Variants in ACSBG1 observed in about 807,000 individuals in gnomAD.
ACSBG1 encodes acyl-CoA synthetase bubblegum family member 1.
ACSBG1 carries 39 observed loss-of-function variants against 80.2 expected under a neutral mutation model. The ratio of observed to expected loss-of-function variants is 0.49; its 90% CI spans 0.38 to 0.64. The LOEUF (loss-of-function observed/expected upper bound fraction) is 0.64, where lower values mean the gene tolerates loss of function less well. Among genes scored for constraint, ACSBG1 ranks in the 30% least tolerant of loss-of-function variants. ACSBG1 has a pLI of 0.00. For missense variants in ACSBG1, 828 were observed against 966.4 expected (o/e 0.86, Z 1.90); for synonymous variants, 392 against 379.5 (o/e 1.03, Z -0.38).
chr15:78,199,455 G>T (rs1346120083), intron 2 of ACSBG1, among the ~76,000 whole-genome samples: 1 of 151,818 alleles, frequency 6.6e-6, no homozygotes, highest in Non-Finnish European at 1.5e-5. Context: ...AGCACTTTGG[G>T]AGGCCAAGGC....
At chr15:78,199,483 A>G (rs2075146331) in intron 2 of ACSBG1, among the ~76,000 whole-genome samples, 1 of 151,976 alleles carries the variant, frequency 6.6e-6, no homozygotes. Flanking sequence ...CTTGAGGCCA[A>G]AAGTTGCAGA....
chr15:78,179,687 GA>G lies in ACSBG1; in HGVS notation c.1346del (p.Phe449SerfsTer7). On this transcript the variant is annotated frameshift_variant, in exon 10 of 14. Coordinates refer to ENST00000258873, the MANE Select transcript of ACSBG1 (RefSeq NM_015162.5). LOFTEE classifies it high-confidence loss of function. ...CTGCCATCATGGGGGCCGCTCCATA[GA>G]AGTTCTTTTGACACTTGGCAAATCC... ...ALGFAKCQKN[F>X]YGAAPMMAET... 1 of 1,614,200 alleles carries G rather than the reference GA, an allele frequency of 6.2e-7. No individual in the cohort carries two copies. The highest frequency in any genetic ancestry group is 8.5e-7 in the Non-Finnish European group (1 of 1,180,040).
chr15:78,228,236 C>G (rs2075419365), intron 1 of ACSBG1, among the ~76,000 whole-genome samples: 1 of 152,154 alleles, frequency 6.6e-6, no homozygotes, highest in South Asian at 2.1e-4. Context: ...GAGGCCAGAG[C>G]TGGGATCCAG....
intron 1 of ACSBG1, among the ~76,000 whole-genome samples, chr15:78,224,458 T>G (rs7161826): frequency 3.9e-4 from 60 of 152,248 alleles, no homozygotes; most frequent in African/African-American, 5.5e-4. Context: ...GGTGGCTCAC[T>G]CCTGTAATCC....
chr15:78,207,917 T>TCCCCCACCCCCCCCCCCCCCCCCCCCCCA, intron 2 of ACSBG1, 85 bp downstream of exon 2: 2 of 876,066 alleles, frequency 2.3e-6, no homozygotes, highest in Non-Finnish European at 1.8e-6. Context: ...TGTGTGGTGG[T>TCCCCCACCCCCCCCCCCCCCCCCCCCCCA]CCCCCACACC....
At chr15:78,232,393 G>A (rs540665152) in intron 1 of ACSBG1, among the ~76,000 whole-genome samples, 2 of 152,292 alleles carry the variant, frequency 1.3e-5, no homozygotes, top group South Asian at 4.1e-4. Flanking sequence ...GTCCTTCTCT[G>A]CACAAGCCTA....
chr15:78,206,812 T>C (rs905518557), intron 2 of ACSBG1, among the ~76,000 whole-genome samples: 2 of 152,230 alleles, frequency 1.3e-5, no homozygotes, highest in African/African-American at 4.8e-5. Context: ...CTGGGGATTA[T>C]GTGTTTCTCC....
intron 5 of ACSBG1, among the ~76,000 whole-genome samples, chr15:78,191,073 C>T (rs1198497050): frequency 6.6e-6 from 1 of 152,144 alleles, no homozygotes; most frequent in African/African-American, 2.4e-5. Context: ...CACAAAAATA[C>T]ATAATGCAAA....
chr15:78,226,321 A>G (rs959774514), intron 1 of ACSBG1: 1 of 152,242 alleles, frequency 6.6e-6, no homozygotes, highest in Non-Finnish European at 1.5e-5. Flanking sequence ...ATGATTACAC[A>G]AGAATCCAAA....
intron 5 of ACSBG1, among the ~76,000 whole-genome samples, chr15:78,186,712 G>A (rs1358110856): frequency 4.6e-5 from 7 of 152,144 alleles, no homozygotes; most frequent in African/African-American, 1.4e-4. Flanking sequence ...ATGCCCACAA[G>A]AGAAAGCAGG....
chr15:78,211,275 G>A (rs1018688438), intron 1 of ACSBG1, among the ~76,000 whole-genome samples: 3 of 152,248 alleles, frequency 2.0e-5, no homozygotes, highest in South Asian at 2.1e-4. Flanking sequence ...TGATCATCAT[G>A]AGCACGCCGA....
intron 5 of ACSBG1, among the ~76,000 whole-genome samples, chr15:78,189,757 G>C (rs989040709): frequency 3.3e-5 from 5 of 151,858 alleles, no homozygotes; most frequent in South Asian, 2.1e-4. Flanking sequence ...CACCAGCATG[G>C]CACATGTATA....
chr15:78,194,127 TC>T, intron 3 of ACSBG1, 107 bp from the exon 4 acceptor site: 2 of 1,052,888 alleles, frequency 1.9e-6, no homozygotes, highest in Non-Finnish European at 2.9e-6. Flanking sequence ...GGCTCCACCC[TC>T]CCAGGGTCCC....
At chr15:78,198,544 C>T (rs1286621345) in intron 2 of ACSBG1, among the ~76,000 whole-genome samples, 7 of 151,920 alleles carry the variant, frequency 4.6e-5, no homozygotes, top group Middle Eastern at 3.4e-3. Context: ...GATGGCGTTT[C>T]GCCATGTTGG....
chr15:78,194,437 C>T, intron 3 of ACSBG1, 69 bp downstream of exon 3: 1 of 1,465,884 alleles, frequency 6.8e-7, no homozygotes, highest in Non-Finnish European at 9.4e-7. Context: ...GGAGAGGAGG[C>T]CTGTGAGGCC....
chr15:78,227,091 A>T (rs1313284697), intron 1 of ACSBG1, among the ~76,000 whole-genome samples: 1 of 150,948 alleles, frequency 6.6e-6, no homozygotes, highest in Non-Finnish European at 1.5e-5. Flanking sequence ...ATGGTGCCAC[A>T]CGCCTGTAGT....
chr15:78,194,145 C>T, intron 3 of ACSBG1, 125 bp from the exon 4 acceptor site: 1 of 896,078 alleles, frequency 1.1e-6, no homozygotes, highest in Non-Finnish European at 1.8e-6. Context: ...TCCCCTCAGT[C>T]AGAGAATCCC....
intron 1 of ACSBG1, among the ~76,000 whole-genome samples, chr15:78,215,784 A>AAGAAAGAAAGAG (rs1555434060): frequency 1.5e-5 from 2 of 136,288 alleles, no homozygotes; most frequent in East Asian, 2.3e-4. Flanking sequence ...GAAAGAAAGA[A>AAGAAAGAAAGAG]AGAGAAAGAA....
Position 78,180,802 on chromosome 15 carries a change from C to A in ACSBG1, c.1206G>T (p.Leu402=), listed in dbSNP as rs765463008. Residue 402 remains leucine (L), a synonymous_variant, in exon 9 of 14, where the codon CTG becomes CTT. Coordinates refer to ENST00000258873, the MANE Select transcript of ACSBG1 (RefSeq NM_015162.5). ...GCTCCAAGGTCACCGACATGGCCCA[C>A]AGCAGCATCTTTCGCCGGATGAAGC... is the stretch of plus-strand genomic sequence containing the variant. The part of the protein sequence containing the change: ...QSGFIRRKML[L]WAMSVTLEQN... 6.2e-7 allele frequency: 1 copy of A among 1,614,248 alleles called. No individual in the cohort carries two copies.
Sources: gnomAD v4.1 joint callset for allele counts (sites outside exome capture counted in the v4.1 genomes callset) on GRCh38, gnomAD v4.1.1 for gene constraint, MANE v1.5 for transcripts, NCBI Gene and HGNC (gene_info 2026-07-23, HGNC 2026-07-21) for gene names.